The following ORAI3 variants were observed in gnomAD, a reference collection of about 807,000 sequenced individuals.
ORAI3 encodes the protein protein orai-3.
Under a neutral mutation model 17.2 loss-of-function variants are expected in ORAI3, and 15 were observed. The observed-to-expected ratio is 0.87, with a 90% confidence interval of 0.58 to 1.34. The LOEUF is 1.34. Ranked by LOEUF, ORAI3 falls within the 40% of genes most tolerant of loss-of-function variation. The pLI is 0.00. For synonymous variants in ORAI3, 178 were observed against 172.4 expected (o/e 1.03, Z -0.25); for missense variants, 405 against 396.7 (o/e 1.02, Z -0.18).
At chr16:30,952,070 T>C (rs2055927000) in intron 1 of ORAI3, among the ~76,000 whole-genome samples, 1 of 150,922 alleles carries the variant, frequency 6.6e-6, no homozygotes, top group South Asian at 2.1e-4. Context: ...TTTTCTTCCT[T>C]TTCCTTTTCC....
At position 30,953,827 on chromosome 16, in the gene ORAI3, G is replaced by A; in HGVS notation, c.871G>A (p.Glu291Lys). Residue 291 changes from glutamate to lysine, a missense_variant, in exon 2 of 2, where the codon GAG becomes AAG. Coordinates refer to ENST00000318663, the MANE Select transcript of ORAI3 (RefSeq NM_152288.3). ...ELEELNRLQG[E>K]LQAV ...AGAGGAACTGAATCGCCTGCAGGGG[G>A]AGCTGCAGGCTGTGTGAGACTGGTG... is the stretch of plus-strand genomic sequence containing the variant. 1.2e-6 allele frequency: 2 copies of A among 1,610,192 alleles called. No homozygotes were observed. The highest frequency in any genetic ancestry group is 1.7e-6 in the Non-Finnish European group (2 of 1,178,398).
chr16:30,949,661 C>A, intron 1 of ORAI3, 144 bp downstream of exon 1: 1 of 686,182 alleles, frequency 1.5e-6, no homozygotes, highest in Non-Finnish European at 2.4e-6. Flanking sequence ...TCCCGCGGGA[C>A]TGAGCAAGTC....
chr16:30,949,713 G>T (rs962756676), intron 1 of ORAI3, 196 bp downstream of exon 1: 1 of 566,038 alleles, frequency 1.8e-6, no homozygotes, highest in African/African-American at 2.0e-5. Context: ...CCAGGAGACG[G>T]GGCCACCGGA....
chr16:30,952,172 G>T (rs1438923139), intron 1 of ORAI3, among the ~76,000 whole-genome samples: 1 of 136,098 alleles, frequency 7.3e-6, no homozygotes, highest in Non-Finnish European at 1.5e-5. Flanking sequence ...TGTCACCCAG[G>T]CTGGAGTGCA....
At position 30,953,412 on chromosome 16, in the gene ORAI3, C is replaced by T; in HGVS notation, c.456C>T (p.Gly152=). 1.2e-6 allele frequency: 2 copies of T among 1,614,268 alleles called. No individual in the cohort carries two copies. Among genetic ancestry groups the T allele is most frequent in the Non-Finnish European group, 1.7e-6 (2 of 1,180,044 alleles). The part of the protein sequence containing the change: ...RLHRYVELAW[G]FSTALGTFLF... ...ACCGCTACGTGGAGCTGGCCTGGGGCTTCTCCACTGCCCTGGGCACCTTTC... is the reference window on the plus strand; with the variant it reads ...ACCGCTACGTGGAGCTGGCCTGGGGTTTCTCCACTGCCCTGGGCACCTTTC... Residue 152 remains glycine (G), a synonymous_variant, in exon 2 of 2, where the codon GGC becomes GGT. Coordinates refer to ENST00000318663, the MANE Select transcript of ORAI3 (RefSeq NM_152288.3).
rs907387167 is a variant in ORAI3 at position 30,949,086 on chromosome 16, C to T, written c.-204C>T. 1 of 468,520 alleles carries T rather than the reference C, an allele frequency of 2.1e-6. No homozygotes were observed. Among genetic ancestry groups the T allele is most frequent in the Non-Finnish European group, 3.7e-6 (1 of 269,528 alleles). 29.0% of individuals were successfully genotyped at this position (468,520 alleles called of 1,614,324 possible). ...CTGTCCCAGTTCCTGTTTTGGCCTC[C>T]GCTGTCCCGCTCCGGCTCCTGGGGC... is the stretch of plus-strand genomic sequence containing the variant. On this transcript the variant is annotated 5_prime_UTR_variant, in exon 1 of 2. Transcript: ENST00000318663.
chr16:30,953,423 C>A lies in ORAI3; in HGVS notation c.467C>A (p.Ala156Asp). 2.5e-6 allele frequency: 4 copies of A among 1,614,238 alleles called. No homozygotes were observed. Among genetic ancestry groups the A allele is most frequent in the Non-Finnish European group, 3.4e-6 (4 of 1,180,036 alleles). The change falls in exon 2 of 2, where the codon GCC becomes GAC. Residue 156 changes from alanine (A) to aspartate (D), a missense_variant. Coordinates refer to ENST00000318663, the MANE Select transcript of ORAI3 (RefSeq NM_152288.3). Reference sequence around the variant, plus strand: ...GAGCTGGCCTGGGGCTTCTCCACTGCCCTGGGCACCTTTCTCTTCCTTGCT... The same window carrying A: ...GAGCTGGCCTGGGGCTTCTCCACTGACCTGGGCACCTTTCTCTTCCTTGCT... ...YVELAWGFST[A>D]LGTFLFLAEV...
intron 1 of ORAI3, among the ~76,000 whole-genome samples, chr16:30,952,866 A>T (rs1199708026): frequency 6.6e-6 from 1 of 151,990 alleles, no homozygotes; most frequent in African/African-American, 2.4e-5. Context: ...GGGTTTCGCC[A>T]TGTTGGCCAG....
intron 1 of ORAI3, among the ~76,000 whole-genome samples, chr16:30,951,111 C>G (rs2055922824): frequency 6.6e-6 from 1 of 152,128 alleles, no homozygotes; most frequent in Non-Finnish European, 1.5e-5. Context: ...AATACTCAGC[C>G]CTGTTTTCCT....
chr16:30,953,580 C>T lies in ORAI3; in HGVS notation c.624C>T (p.Ser208=). Residue 208 remains serine, a synonymous_variant, in exon 2 of 2, where the codon TCC becomes TCT. Coordinates refer to ENST00000318663, the MANE Select transcript of ORAI3 (RefSeq NM_152288.3). The part of the protein sequence containing the change: ...APVATSLSPA[S]NLPRSSASAA... ...TGGCTACCTCCCTTAGTCCAGCTTC[C>T]AATCTCCCACGGTCCTCTGCGTCTG... 6.2e-7 allele frequency: 1 copy of T among 1,614,248 alleles called. No homozygotes were observed. The highest frequency in any genetic ancestry group is 8.5e-7 in the Non-Finnish European group (1 of 1,180,036).
Position 30,949,226 on chromosome 16 carries a change from C to A in ORAI3, c.-64C>A, listed in dbSNP as rs1365703757. On this transcript the variant is annotated 5_prime_UTR_variant, in exon 1 of 2. Coordinates refer to ENST00000318663, the MANE Select transcript of ORAI3 (RefSeq NM_152288.3). Reference sequence around the variant, plus strand: ...GGGCCGCCCCCGGGCTTGGGCCGGCCCGGCTGGGGCCCCCGAGGCGCTTCC... The same window carrying A: ...GGGCCGCCCCCGGGCTTGGGCCGGCACGGCTGGGGCCCCCGAGGCGCTTCC... The A allele has an allele frequency of 1.0e-5, 12 of 1,203,846 alleles. No homozygotes were observed. Among genetic ancestry groups the A allele is most frequent in the Non-Finnish European group, 9.7e-6 (9 of 923,742 alleles). The allele number at this position is 1,203,846 out of a possible 1,614,324, so 74.6% of individuals were successfully genotyped here. A position where few individuals can be genotyped will look rare whatever the true frequency, so the allele number is the denominator to read the frequency against.
rs774475552 is a variant in ORAI3 at position 30,949,380 on chromosome 16, G to A, written c.91G>A (p.Val31Met). 32 of 1,577,850 alleles carry A rather than the reference G, an allele frequency of 2.0e-5. No individual in the cohort carries two copies. The South Asian group carries it at 3.6e-4, about 18-fold the overall frequency. The change falls in exon 1 of 2, where the codon GTG (valine) becomes ATG (methionine). Residue 31 changes from valine (V) to methionine (M), a missense_variant. By Grantham distance (21) the Val-to-Met change is conservative. Coordinates refer to ENST00000318663, the MANE Select transcript of ORAI3 (RefSeq NM_152288.3). ...PAGSATYREFVHRGYLDLMGA... is the reference protein window; with the variant it reads ...PAGSATYREFMHRGYLDLMGA... ...AGGCTCGGCCACGTACCGGGAGTTC[G>A]TGCACCGCGGCTACCTGGACCTCAT...
rs187156796 is a variant in ORAI3 at position 30,952,279 on chromosome 16, C to T, written c.229-906C>T. The stretch of plus-strand genomic sequence containing the variant: ...GCTCCTGAGTAGCCGGGATTACAGG[C>T]GCACACCACCACGCCCGGCTAATTT... On this transcript the variant is annotated intron_variant, in intron 1 of 1. Coordinates refer to ENST00000318663, the MANE Select transcript of ORAI3 (RefSeq NM_152288.3). 5.3e-3 allele frequency among the ~76,000 whole-genome samples: 804 copies of T among 151,856 alleles called. 4 individuals are homozygous for T. Among genetic ancestry groups the T allele is most frequent in the Middle Eastern group, 0.01 (3 of 292 alleles).
chr16:30,954,344 G>A lies in ORAI3; in HGVS notation c.*500G>A. On this transcript the variant is annotated 3_prime_UTR_variant, in exon 2 of 2. Coordinates refer to ENST00000318663, the MANE Select transcript of ORAI3 (RefSeq NM_152288.3). ...AAGATGCTCCCACCACAGCCTCCCA[G>A]GTAGTGAGTAGCTGGTACTACAGGT... 2 of 554,700 alleles carry A rather than the reference G, an allele frequency of 3.6e-6. No individual in the cohort carries two copies. The highest frequency in any genetic ancestry group is 4.2e-5 in the South Asian group (2 of 47,852). 34.4% of individuals were successfully genotyped at this position (554,700 alleles called of 1,614,324 possible). A position where few individuals can be genotyped will look rare whatever the true frequency, so the allele number is the denominator to read the frequency against.
chr16:30,949,199 TG>T lies in ORAI3; in HGVS notation c.-87del. 4.4e-6 allele frequency: 4 copies of T among 906,508 alleles called. No homozygotes were observed. Among genetic ancestry groups the T allele is most frequent in the Non-Finnish European group, 6.1e-6 (4 of 653,888 alleles). 56.2% of individuals were successfully genotyped at this position (906,508 alleles called of 1,614,324 possible). A position where few individuals can be genotyped will look rare whatever the true frequency, so the allele number is the denominator to read the frequency against. On this transcript the variant is annotated 5_prime_UTR_variant, in exon 1 of 2. It removes the in-frame stop codon of an upstream open reading frame in the 5' UTR. Transcript: ENST00000318663. Reference sequence around the variant, plus strand: ...GCATCCTGCTCGTCCTGTCTGGGAATGGGGCCGCCCCCGGGCTTGGGCCGGC... The same window carrying T: ...GCATCCTGCTCGTCCTGTCTGGGAATGGGCCGCCCCCGGGCTTGGGCCGGC...
At position 30,953,608 on chromosome 16, in the gene ORAI3, GCACCGTCCCAAGCTGAGCCAGCCTGCC is replaced by G; in HGVS notation, c.657_683del (p.Ser220_Pro228del). 6.2e-7 allele frequency: 1 copy of G among 1,614,166 alleles called. No individual in the cohort carries two copies. Among genetic ancestry groups the G allele is most frequent in the South Asian group, 1.1e-5 (1 of 91,090 alleles). ...TCTCCCACGGTCCTCTGCGTCTGCA[GCACCGTCCCAAGCTGAGCCAGCCTGCC>G]CACCCCGGCAAGCCTGTGGTGGTGG... On this transcript the variant is annotated inframe_deletion, in exon 2 of 2. Coordinates refer to ENST00000318663, the MANE Select transcript of ORAI3 (RefSeq NM_152288.3).
rs759696193 is a variant in ORAI3 at position 30,949,448 on chromosome 16, C to T, written c.159C>T (p.Arg53=). 6.2e-7 allele frequency: 1 copy of T among 1,608,618 alleles called. No individual in the cohort carries two copies. The highest frequency in any genetic ancestry group is 1.7e-5 in the Admixed American group (1 of 59,788). Residue 53 remains arginine (R), a synonymous_variant, in exon 1 of 2, where the codon CGC becomes CGT. Coordinates refer to ENST00000318663, the MANE Select transcript of ORAI3 (RefSeq NM_152288.3). ...QHSLRALSWR[R]LYLSRAKLKA... is the part of the protein sequence containing the mutation. ...CGCTGCGGGCGCTCAGCTGGCGCCG[C>T]CTCTACCTCAGCCGGGCCAAGCTCA...
Position 30,953,910 on chromosome 16 carries a change from G to T in ORAI3, c.*66G>T, listed in dbSNP as rs557248574. The T allele has an allele frequency of 2.0e-4, 303 of 1,519,074 alleles. 2 individuals are homozygous for T. In the African/African-American group the frequency reaches 3.9e-3, roughly 20 times the overall value. The allele number at this position is 1,519,074 out of a possible 1,614,324, so 94.1% of individuals were successfully genotyped here. A position where few individuals can be genotyped will look rare whatever the true frequency, so the allele number is the denominator to read the frequency against. ...TCCGGGGTCTGTAAGAGGCCGCAGGGGCCTACAGACCTCATCCCCCCATCC... is the reference window on the plus strand; with the variant it reads ...TCCGGGGTCTGTAAGAGGCCGCAGGTGCCTACAGACCTCATCCCCCCATCC... On this transcript the variant is annotated 3_prime_UTR_variant, in exon 2 of 2. Coordinates refer to ENST00000318663, the MANE Select transcript of ORAI3 (RefSeq NM_152288.3).
At position 30,953,672 on chromosome 16, in the gene ORAI3, G is replaced by A; in HGVS notation, c.716G>A (p.Gly239Glu). ...GCCTGTGGTGGTGGTGGGGCCCATG[G>A]GCCAGGCTGGCAAGCAGCCATGGCC... ...RQACGGGGAH[G>E]PGWQAAMAST... Residue 239 changes from glycine to glutamate, a missense_variant, in exon 2 of 2, where the codon GGG (glycine) becomes GAG (glutamate). Coordinates refer to ENST00000318663, the MANE Select transcript of ORAI3 (RefSeq NM_152288.3). The A allele has an allele frequency of 6.2e-7, 1 of 1,614,064 alleles. No homozygotes were observed. The highest frequency in any genetic ancestry group is 8.5e-7 in the Non-Finnish European group (1 of 1,180,026).
Sources: gnomAD v4.1 joint callset for allele counts (sites outside exome capture counted in the v4.1 genomes callset) on GRCh38, gnomAD v4.1.1 for gene constraint, MANE v1.5 for transcripts, NCBI Gene and HGNC (gene_info 2026-07-23, HGNC 2026-07-21) for gene names.